CACNB4: variants seen among roughly 807,000 people sequenced by gnomAD.
The protein encoded by CACNB4 is calcium voltage-gated channel auxiliary subunit beta 4, also known as voltage-dependent L-type calcium channel subunit beta-4.
Under a neutral mutation model 71.2 loss-of-function variants are expected in CACNB4, and 32 were observed. That is an observed-to-expected ratio of 0.45 (90% CI 0.34 to 0.60). The LOEUF is 0.60. Ranked by LOEUF, CACNB4 falls within the 20% of genes least tolerant of loss-of-function variation. The pLI is 0.01. For synonymous variants in CACNB4, 231 were observed against 236.9 expected (o/e 0.97, Z 0.23); for missense variants, 464 against 647.9 (o/e 0.72, Z 3.08).
chr2:151,951,435 A>C (rs1224758139), intron 2 of CACNB4, among the ~76,000 whole-genome samples: 1 of 152,140 alleles, frequency 6.6e-6, no homozygotes, highest in Non-Finnish European at 1.5e-5. Flanking sequence ...GCCCCAGACG[A>C]CCACATTTTC....
chr2:152,000,264 T>C (rs997400857), intron 2 of CACNB4, among the ~76,000 whole-genome samples: 4 of 152,172 alleles, frequency 2.6e-5, no homozygotes, highest in African/African-American at 9.7e-5. Flanking sequence ...GGAGGGTCTG[T>C]GTAGAGTAGC....
intron 2 of CACNB4, among the ~76,000 whole-genome samples, chr2:151,915,446 G>A (rs1188783870): frequency 6.6e-6 from 1 of 152,236 alleles, no homozygotes; most frequent in Non-Finnish European, 1.5e-5. Context: ...CTCCCGCAAG[G>A]AGCTCAAACA....
chr2:151,892,299 T>TGA (rs963107169), intron 2 of CACNB4, among the ~76,000 whole-genome samples: 5 of 151,814 alleles, frequency 3.3e-5, no homozygotes, highest in Admixed American at 6.6e-5. Flanking sequence ...GTCAGATTCT[T>TGA]GAGAGAGAGA....
chr2:151,878,080 TCTC>T (rs2099846895), intron 4 of CACNB4, among the ~76,000 whole-genome samples: 1 of 152,252 alleles, frequency 6.6e-6, no homozygotes, highest in Middle Eastern at 3.4e-3. Context: ...AAGATAATTC[TCTC>T]CTATTTTGAC....
chr2:151,948,685 A>G (rs1215719092), intron 2 of CACNB4, among the ~76,000 whole-genome samples: 1 of 152,044 alleles, frequency 6.6e-6, no homozygotes, highest in Non-Finnish European at 1.5e-5. Flanking sequence ...AAAGTCTAAA[A>G]TGACAGATGT....
At chr2:152,019,947 A>C (rs1683563418) in intron 2 of CACNB4, among the ~76,000 whole-genome samples, 1 of 152,224 alleles carries the variant, frequency 6.6e-6, no homozygotes, top group African/African-American at 2.4e-5. Context: ...CTTTAGATTG[A>C]GAGGCAGTCA....
At chr2:152,070,342 T>C (rs1205958331) in intron 2 of CACNB4, among the ~76,000 whole-genome samples, 1 of 152,200 alleles carries the variant, frequency 6.6e-6, no homozygotes, top group Non-Finnish European at 1.5e-5. Flanking sequence ...AAATATCTTT[T>C]CATGCTTTAT....
At chr2:151,857,504 T>C (rs1467895311) in intron 10 of CACNB4, 2 of 152,194 alleles carry the variant, frequency 1.3e-5, no homozygotes, top group Admixed American at 1.3e-4. Context: ...GAAACAGTTT[T>C]AAAATAAATT....
chr2:152,069,658 A>C (rs1168745227), intron 2 of CACNB4, among the ~76,000 whole-genome samples: 1 of 152,092 alleles, frequency 6.6e-6, no homozygotes, highest in Non-Finnish European at 1.5e-5. Flanking sequence ...TTTAACAGAT[A>C]TATAAATGAA....
chr2:152,029,493 CAAAAAAA>C (rs4036226), intron 2 of CACNB4, among the ~76,000 whole-genome samples: 3 of 108,822 alleles, frequency 2.8e-5, no homozygotes, highest in African/African-American at 9.9e-5. Context: ...GACTCGATCT[CAAAAAAA>C]AAAAAAAAAA....
intron 2 of CACNB4, among the ~76,000 whole-genome samples, chr2:151,910,410 T>C (rs1203635125): frequency 1.3e-5 from 2 of 152,192 alleles, no homozygotes; most frequent in Non-Finnish European, 2.9e-5. Flanking sequence ...TGCCTAGGTT[T>C]TCTTCTAGGG....
intron 2 of CACNB4, among the ~76,000 whole-genome samples, chr2:152,050,283 A>T (rs550541823): frequency 1.7e-4 from 26 of 152,258 alleles, no homozygotes; most frequent in African/African-American, 6.3e-4. Flanking sequence ...CAGAAATGTG[A>T]TCATCTGCTA....
At position 152,098,547 on chromosome 2, in the gene CACNB4, C is replaced by T. The variant is rs1275367886; in HGVS notation, c.64-134G>A. ...CTAGAGCCCGCACCCAAGTCTCCTC[C>T]GCGACTCCCAAATACAGCCCCCACC... On this transcript the variant is annotated intron_variant, in intron 1 of 13. Transcript: ENST00000539935. This position sits in a 1 kb window ranked among gnomAD's most constrained non-coding sequence, Gnocchi z 5.3. 1.8e-5 allele frequency: 25 copies of T among 1,374,268 alleles called. No homozygotes were observed. The highest frequency in any genetic ancestry group is 2.1e-5 in the Non-Finnish European group (21 of 980,852). The allele number at this position is 1,374,268 out of a possible 1,614,324, so 85.1% of individuals were successfully genotyped here.
At position 152,025,992 on chromosome 2, in the gene CACNB4, G is replaced by T. The variant is rs551332868; in HGVS notation, c.147+72338C>A. On this transcript the variant is annotated intron_variant, in intron 2 of 13. Transcript: ENST00000539935. ...TTTAGTAAAGAGGATGTGAGAACAG[G>T]ACGTGCACAGGGCGCCCCCTGCAGG... Among the ~76,000 whole-genome samples the T allele has an allele frequency of 2.6e-5, 4 of 152,310 alleles. No homozygotes were observed. The South Asian group carries it at 8.3e-4, about 32-fold the overall frequency.
chr2:152,012,197 T>G (rs13009895), intron 2 of CACNB4, among the ~76,000 whole-genome samples: 64,464 of 151,730 alleles, frequency 0.42, 15,955 homozygotes, highest in Non-Finnish European at 0.57. Context: ...GACAGCTCCA[T>G]GTGGGTTACT....
intron 2 of CACNB4, among the ~76,000 whole-genome samples, chr2:152,093,841 A>G (rs1323042691): frequency 6.6e-6 from 1 of 152,212 alleles, no homozygotes; most frequent in Non-Finnish European, 1.5e-5. Flanking sequence ...GAAATAAAAA[A>G]TTGTTGTTGT....
intron 2 of CACNB4, among the ~76,000 whole-genome samples, chr2:151,908,076 C>T (rs1021616359): frequency 9.9e-5 from 15 of 152,208 alleles, no homozygotes; most frequent in Admixed American, 4.6e-4. Flanking sequence ...AGGAGGAGAC[C>T]GTGAGGATGG....
chr2:151,897,479 C>T (rs201594546), intron 2 of CACNB4, among the ~76,000 whole-genome samples: 51 of 152,288 alleles, frequency 3.3e-4, no homozygotes, highest in Admixed American at 2.5e-3. Flanking sequence ...AGAGAAGCCA[C>T]GTCTGCTCAT....
chr2:151,875,648 CGGGGCGGCTGGCCGGGTGGGGGGCTG>C (rs2151425892), intron 5 of CACNB4, among the ~76,000 whole-genome samples: 1 of 136,656 alleles, frequency 7.3e-6, no homozygotes, highest in African/African-American at 3.0e-5. Flanking sequence ...CCCTCCCGGA[CGGGGCGGCTGGCCGGGTGGGGGGCTG>C]ACCCCCCCAC....
Sources: gnomAD v4.1 joint callset for allele counts (sites outside exome capture counted in the v4.1 genomes callset) on GRCh38, gnomAD v4.1.1 for gene constraint, Gnocchi (gnomAD v3.1) non-coding constraint, MANE v1.5 for transcripts, NCBI Gene and HGNC (gene_info 2026-07-23, HGNC 2026-07-21) for gene names.